PCED1B: variants seen among roughly 807,000 people sequenced by gnomAD.
PCED1B encodes PC-esterase domain-containing protein 1B.
For missense variants in PCED1B, 573 were observed against 573.9 expected (o/e 1.00, Z 0.02); for synonymous variants, 251 against 246.1 (o/e 1.02, Z -0.19).
At chr12:47,083,739 G>T (rs573375811) in intron 1 of PCED1B, among the ~76,000 whole-genome samples, 1 of 152,000 alleles carries the variant, frequency 6.6e-6, no homozygotes, top group Non-Finnish European at 1.5e-5. Flanking sequence ...TTCTCTGGAC[G>T]CTCCCTTTAC....
At position 47,118,245 on chromosome 12, in the gene PCED1B, A is replaced by T. The variant is rs1284743847; in HGVS notation, c.-526+14050A>T. Among the ~76,000 whole-genome samples the T allele has an allele frequency of 3.3e-5, 5 of 152,202 alleles. No homozygotes were observed. In the East Asian group the frequency reaches 5.8e-4, roughly 18 times the overall value. ...TTTTGTTGCCATTGCTTTTGGTGTT[A>T]TAGACATGAAGTCCTTGCCCATGCC... is the stretch of plus-strand genomic sequence containing the variant. On this transcript the variant is annotated intron_variant, in intron 2 of 3. Coordinates refer to ENST00000546455, the MANE Select transcript of PCED1B (RefSeq NM_138371.3).
intron 2 of PCED1B, among the ~76,000 whole-genome samples, chr12:47,176,669 T>G (rs1417643603): frequency 3.3e-5 from 5 of 152,182 alleles, no homozygotes; most frequent in African/African-American, 9.7e-5. Flanking sequence ...TTATCGAACC[T>G]GAGAAGGGAG....
chr12:47,189,459 T>C (rs1024673759), intron 2 of PCED1B, among the ~76,000 whole-genome samples: 2 of 152,208 alleles, frequency 1.3e-5, no homozygotes, highest in African/African-American at 4.8e-5. Flanking sequence ...CTACAGCAAC[T>C]ATTATCTCAC....
intron 2 of PCED1B, among the ~76,000 whole-genome samples, chr12:47,150,375 A>C (rs1422726881): frequency 6.6e-6 from 1 of 151,978 alleles, no homozygotes; most frequent in Non-Finnish European, 1.5e-5. Context: ...GGAGTTCGAG[A>C]CCAACCTGGC....
intron 2 of PCED1B, among the ~76,000 whole-genome samples, chr12:47,172,470 T>C (rs183891922): frequency 1.1e-3 from 161 of 150,682 alleles, no homozygotes; most frequent in East Asian, 3.0e-3. Flanking sequence ...GGTGAGACCC[T>C]ATCTCAAAAA....
chr12:47,134,579 A>G (rs1479838124), intron 2 of PCED1B, among the ~76,000 whole-genome samples: 1 of 152,202 alleles, frequency 6.6e-6, no homozygotes, highest in African/African-American at 2.4e-5. Context: ...GCTATTTAAC[A>G]AAGTCTTAGG....
At chr12:47,140,097 C>G (rs1940537641) in intron 2 of PCED1B, among the ~76,000 whole-genome samples, 1 of 152,098 alleles carries the variant, frequency 6.6e-6, no homozygotes, top group Non-Finnish European at 1.5e-5. Flanking sequence ...TCCTTCTGAA[C>G]AAGCTTCTCC....
At chr12:47,080,891 C>G (rs542511165) in intron 1 of PCED1B, among the ~76,000 whole-genome samples, 1 of 152,076 alleles carries the variant, frequency 6.6e-6, no homozygotes, top group Non-Finnish European at 1.5e-5. Flanking sequence ...CTTTTGCAAG[C>G]GTGCTCGTGG....
At chr12:47,092,425 A>T (rs1226084368) in intron 1 of PCED1B, among the ~76,000 whole-genome samples, 1 of 152,004 alleles carries the variant, frequency 6.6e-6, no homozygotes, top group Admixed American at 6.5e-5. Flanking sequence ...TTGTCCTTAG[A>T]TTCTCTAGAA....
At chr12:47,104,965 C>A (rs115292989) in intron 2 of PCED1B, among the ~76,000 whole-genome samples, 1 of 152,210 alleles carries the variant, frequency 6.6e-6, no homozygotes, top group African/African-American at 2.4e-5. Context: ...TCCTTTTGTA[C>A]TCTGACTTCT....
chr12:47,133,000 CA>C (rs1940194434), intron 2 of PCED1B, among the ~76,000 whole-genome samples: 1 of 152,156 alleles, frequency 6.6e-6, no homozygotes, highest in Non-Finnish European at 1.5e-5. Flanking sequence ...ATATGCTTAA[CA>C]TTTTTCATAT....
At chr12:47,123,570 CA>C (rs1423642313) in intron 2 of PCED1B, among the ~76,000 whole-genome samples, 2 of 151,414 alleles carry the variant, frequency 1.3e-5, no homozygotes, top group African/African-American at 4.8e-5. Flanking sequence ...ACCAGTATAT[CA>C]AAAAAAATTA....
intron 2 of PCED1B, among the ~76,000 whole-genome samples, chr12:47,179,208 G>T (rs1942021776): frequency 6.6e-6 from 1 of 152,100 alleles, no homozygotes; most frequent in Non-Finnish European, 1.5e-5. Context: ...TCTCTGAAAG[G>T]CTCATACAAG....
rs1943962355 is a variant in PCED1B, at chr12:47,235,804, C to T, written c.741C>T (p.His247=). ...HRCLSQLLLA[H]VADAWGVELP... is the part of the protein sequence containing the mutation. ...GCCTCTCCCAGCTGCTGCTGGCCCA[C>T]GTGGCCGACGCCTGGGGTGTGGAGC... Residue 247 remains histidine (H), a synonymous_variant, in exon 4 of 4, where the codon CAC becomes CAT. Coordinates refer to ENST00000546455, the MANE Select transcript of PCED1B (RefSeq NM_138371.3). 1 of 1,577,540 alleles carries T rather than the reference C, an allele frequency of 6.3e-7. No homozygotes were observed. Among genetic ancestry groups the T allele is most frequent in the South Asian group, 1.1e-5 (1 of 87,258 alleles).
At chr12:47,140,387 C>A (rs1328594006) in intron 2 of PCED1B, among the ~76,000 whole-genome samples, 1 of 152,066 alleles carries the variant, frequency 6.6e-6, no homozygotes, top group African/African-American at 2.4e-5. Context: ...TTTGAAAACC[C>A]AGGGATTCTT....
rs757914835 is a variant in PCED1B, at chr12:47,157,720, GCTA to G, written c.-526+53529_-526+53531del. On this transcript the variant is annotated intron_variant, in intron 2 of 3. Coordinates refer to ENST00000546455, the MANE Select transcript of PCED1B (RefSeq NM_138371.3). ...GGTGTGTTAAATACACCCATAATGT[GCTA>G]CTATCACCAGGATCCATCTCTGTAA... Among the ~76,000 whole-genome samples, 25 of 151,906 alleles carry G rather than the reference GCTA, an allele frequency of 1.6e-4. 1 individual carries two copies. Among genetic ancestry groups the G allele is most frequent in the South Asian group, 1.2e-3 (6 of 4,828 alleles).
intron 2 of PCED1B, among the ~76,000 whole-genome samples, chr12:47,214,107 C>T (rs1943176025): frequency 6.6e-6 from 1 of 152,114 alleles, no homozygotes. Flanking sequence ...AATACTAAAG[C>T]TATCAGTTGG....
At chr12:47,100,896 T>G (rs2137217158) in intron 1 of PCED1B, among the ~76,000 whole-genome samples, 1 of 152,110 alleles carries the variant, frequency 6.6e-6, no homozygotes, top group Admixed American at 6.5e-5. Context: ...GGTGAAACAC[T>G]GTGTCTATTA....
chr12:47,130,194 G>A (rs868095326), intron 2 of PCED1B, among the ~76,000 whole-genome samples: 1 of 152,058 alleles, frequency 6.6e-6, no homozygotes, highest in Non-Finnish European at 1.5e-5. Context: ...ATTTTAAAAG[G>A]TTAGTAGTTA....
Sources: allele counts gnomAD v4.1 joint callset (sites outside exome capture counted in the v4.1 genomes callset), GRCh38; gene constraint gnomAD v4.1.1; transcripts MANE v1.5; gene names NCBI Gene and HGNC (gene_info 2026-07-23, HGNC 2026-07-21).